SKIL: variants seen among roughly 807,000 people sequenced by gnomAD.
SKIL encodes SKI like proto-oncogene.
Under a neutral mutation model 69.6 loss-of-function variants are expected in SKIL, and 20 were observed. That is an observed-to-expected ratio of 0.29 (90% CI 0.20 to 0.42). The LOEUF (loss-of-function observed/expected upper bound fraction) is 0.42, where lower values mean the gene tolerates loss of function less well. Ranked by LOEUF, SKIL falls within the 10% of genes least tolerant of loss-of-function variation. SKIL has a pLI of 1.00. For missense variants in SKIL, 745 were observed against 783.1 expected (o/e 0.95, Z 0.58); for synonymous variants, 310 against 279.9 (o/e 1.11, Z -1.08).
Position 170,393,101 on chromosome 3 carries a change from G to A in SKIL, c.*684G>A, listed in dbSNP as rs1738007511. The A allele has an allele frequency of 6.6e-6, 1 of 152,066 alleles. No homozygotes were observed. The highest frequency in any genetic ancestry group is 2.1e-4 in the South Asian group (1 of 4,824). 9.4% of individuals were successfully genotyped at this position (152,066 alleles called of 1,614,324 possible). On this transcript the variant is annotated 3_prime_UTR_variant, in exon 7 of 7. Transcript: ENST00000259119. ...TAATTTGTTTTTCAGTTTAAATGTGGTTATAGTTAGATTTTTTTTTAAGCA... is the reference window on the plus strand; with the variant it reads ...TAATTTGTTTTTCAGTTTAAATGTGATTATAGTTAGATTTTTTTTTAAGCA...
intron 2 of SKIL, among the ~76,000 whole-genome samples, chr3:170,365,790 C>T (rs531115785): frequency 7.6e-6 from 1 of 131,254 alleles, no homozygotes; most frequent in Non-Finnish European, 1.5e-5. Flanking sequence ...GAGTTTCGCT[C>T]TTGCGCCCAG....
intron 6 of SKIL, among the ~76,000 whole-genome samples, chr3:170,391,835 T>C (rs1292841895): frequency 3.3e-5 from 5 of 152,200 alleles, no homozygotes; most frequent in African/African-American, 1.2e-4. Context: ...TTATATGTTA[T>C]ATTATTTTAA....
intron 2 of SKIL, among the ~76,000 whole-genome samples, chr3:170,368,518 C>T (rs750458211): frequency 2.2e-4 from 34 of 152,098 alleles, no homozygotes; most frequent in Non-Finnish European, 8.8e-5. Context: ...TGCACATAAA[C>T]TGTTAATATA....
chr3:170,365,158 T>G (rs1736437220), intron 2 of SKIL, among the ~76,000 whole-genome samples: 1 of 152,008 alleles, frequency 6.6e-6, no homozygotes, highest in South Asian at 2.1e-4. Context: ...GTGAGGAAGG[T>G]GAATGACAAT....
In SKIL at chr3:170,395,442, G is replaced by A. The variant is rs1027301414; in HGVS notation, c.*3025G>A. ...TACCAGTTAAGATATAAAATCATTT[G>A]TACATAGCGAATTGTAAAGCAGCTA... On this transcript the variant is annotated 3_prime_UTR_variant, in exon 7 of 7. Transcript: ENST00000259119. 6.6e-6 allele frequency: 1 copy of A among 151,990 alleles called. No individual in the cohort carries two copies. The highest frequency in any genetic ancestry group is 1.5e-5 in the Non-Finnish European group (1 of 67,932). The allele number at this position is 151,990 out of a possible 1,614,324, so 9.4% of individuals were successfully genotyped here.
intron 2 of SKIL, among the ~76,000 whole-genome samples, chr3:170,368,574 A>G (rs1364044069): frequency 6.6e-6 from 1 of 152,226 alleles, no homozygotes; most frequent in African/African-American, 2.4e-5. Flanking sequence ...AAGAGCCTTT[A>G]CTGCAGAAAT....
intron 2 of SKIL, among the ~76,000 whole-genome samples, chr3:170,371,316 C>T (rs1425606834): frequency 6.6e-6 from 1 of 152,052 alleles, no homozygotes; most frequent in Non-Finnish European, 1.5e-5. Flanking sequence ...GCCTGGCCAA[C>T]ATGGTGAAAC....
Position 170,360,724 on chromosome 3 carries a change from T to C in SKIL, c.393T>C (p.Pro131=). The part of the protein sequence containing the change: ...FLPLPSPQVL[P]GPLLIPSDSS... ...CTCTTCCATCACCTCAGGTTCTTCC[T>C]GGCCCATTGCTCATCCCTTCAGATA... The change falls in exon 2 of 7, where the codon CCT becomes CCC. Residue 131 remains proline (P), a synonymous_variant. Transcript: ENST00000259119. The C allele has an allele frequency of 1.2e-6, 2 of 1,614,220 alleles. No homozygotes were observed. Among genetic ancestry groups the C allele is most frequent in the Non-Finnish European group, 1.7e-6 (2 of 1,180,030 alleles).
chr3:170,393,067 C>G lies in SKIL; in HGVS notation c.*650C>G, dbSNP rs975912079. 2.0e-5 allele frequency: 3 copies of G among 152,126 alleles called. No homozygotes were observed. Among genetic ancestry groups the G allele is most frequent in the African/African-American group, 7.2e-5 (3 of 41,440 alleles). 9.4% of individuals were successfully genotyped at this position (152,126 alleles called of 1,614,324 possible). ...GTTATGTGCTGCTGCTAAACAGAAG[C>G]AGCAGTTGTAATTTGTTTTTCAGTT... On this transcript the variant is annotated 3_prime_UTR_variant, in exon 7 of 7. Coordinates refer to ENST00000259119, the MANE Select transcript of SKIL (RefSeq NM_005414.5).
intron 4 of SKIL, among the ~76,000 whole-genome samples, chr3:170,386,173 C>G (rs1338362910): frequency 6.6e-6 from 1 of 151,660 alleles, no homozygotes; most frequent in Non-Finnish European, 1.5e-5. Flanking sequence ...ATTTGTTGCC[C>G]AGGCTAGAGT....
At chr3:170,385,399 TTC>T (rs1167343067) in intron 4 of SKIL, among the ~76,000 whole-genome samples, 5 of 152,014 alleles carry the variant, frequency 3.3e-5, no homozygotes, top group Non-Finnish European at 7.4e-5. Flanking sequence ...ACCTTTATTT[TTC>T]TTTCTGATTT....
rs1738039822 is a variant in SKIL at position 170,393,662 on chromosome 3, A to G, written c.*1245A>G. On this transcript the variant is annotated 3_prime_UTR_variant, in exon 7 of 7. Coordinates refer to ENST00000259119, the MANE Select transcript of SKIL (RefSeq NM_005414.5). ...TTCTTGGCTCAAAATATATTAGGTA[A>G]AATTCTTAGATCTGTTTTTAAAGGG... 1 of 152,120 alleles carries G rather than the reference A, an allele frequency of 6.6e-6. No homozygotes were observed. Among genetic ancestry groups the G allele is most frequent in the Non-Finnish European group, 1.5e-5 (1 of 68,000 alleles). The allele number at this position is 152,120 out of a possible 1,614,324, so 9.4% of individuals were successfully genotyped here. A position where few individuals can be genotyped will look rare whatever the true frequency, so the allele number is the denominator to read the frequency against.
chr3:170,390,778 C>T lies in SKIL; in HGVS notation c.1672-258C>T, dbSNP rs182102405. Among the ~76,000 whole-genome samples, 21 of 152,230 alleles carry T rather than the reference C, an allele frequency of 1.4e-4. No individual in the cohort carries two copies. The East Asian group carries it at 2.5e-3, about 18-fold the overall frequency. Reference sequence around the variant, plus strand: ...TACAGGTGTGAGCCACTGCGCCCAGCCCCCCTGTATATTCTTAGTAAGAAA... The same window carrying T: ...TACAGGTGTGAGCCACTGCGCCCAGTCCCCCTGTATATTCTTAGTAAGAAA... On this transcript the variant is annotated intron_variant, in intron 5 of 6. Transcript: ENST00000259119.
chr3:170,362,492 C>T (rs1335636137), intron 2 of SKIL, among the ~76,000 whole-genome samples: 1 of 150,132 alleles, frequency 6.7e-6, no homozygotes, highest in African/African-American at 2.5e-5. Context: ...TCGAGGGAAA[C>T]TCCATCAAAA....
chr3:170,381,697 T>A (rs1329738328), intron 3 of SKIL, among the ~76,000 whole-genome samples: 1 of 151,978 alleles, frequency 6.6e-6, no homozygotes, highest in Non-Finnish European at 1.5e-5. Flanking sequence ...CCTCCCAAAG[T>A]GCTGGGATTA....
In SKIL at chr3:170,396,055, A is replaced by T. The variant is rs1430614493; in HGVS notation, c.*3638A>T. 1 of 151,088 alleles carries T rather than the reference A, an allele frequency of 6.6e-6. No homozygotes were observed. Among genetic ancestry groups the T allele is most frequent in the Non-Finnish European group, 1.5e-5 (1 of 67,766 alleles). 9.4% of individuals were successfully genotyped at this position (151,088 alleles called of 1,614,324 possible). ...AATCCATTCATTGAAATGGTTTCTA[A>T]ACTGTATAATGTAATTTGGAGCCTA... On this transcript the variant is annotated 3_prime_UTR_variant, in exon 7 of 7. Coordinates refer to ENST00000259119, the MANE Select transcript of SKIL (RefSeq NM_005414.5).
Position 170,396,646 on chromosome 3 carries a change from TA to T in SKIL, c.*4234del, listed in dbSNP as rs1273049270. ...AAATAAATATTTTATATGGTTTTAC[TA>T]AAAATAAGACTCATGTATCTGGTCA... is the stretch of plus-strand genomic sequence containing the variant. On this transcript the variant is annotated 3_prime_UTR_variant, in exon 7 of 7. Coordinates refer to ENST00000259119, the MANE Select transcript of SKIL (RefSeq NM_005414.5). The T allele has an allele frequency of 1.3e-5, 2 of 152,316 alleles. No homozygotes were observed. The highest frequency in any genetic ancestry group is 3.9e-4 in the East Asian group (2 of 5,194). The allele number at this position is 152,316 out of a possible 1,614,324, so 9.4% of individuals were successfully genotyped here. A position where few individuals can be genotyped will look rare whatever the true frequency, so the allele number is the denominator to read the frequency against.
chr3:170,390,531 G>A, intron 5 of SKIL, 67 bp downstream of exon 5: 1 of 1,318,648 alleles, frequency 7.6e-7, no homozygotes, highest in Non-Finnish European at 1.1e-6. Context: ...CTGTCGCCCA[G>A]GCTGGAGTGC....
intron 1 of SKIL, chr3:170,359,474 T>G (rs1355388674): frequency 2.0e-5 from 3 of 152,082 alleles, no homozygotes; most frequent in Non-Finnish European, 4.4e-5. Flanking sequence ...GGCTTGTGCC[T>G]GTAGTCCCAG....
Sources: gnomAD v4.1 joint callset for allele counts (sites outside exome capture counted in the v4.1 genomes callset) on GRCh38, gnomAD v4.1.1 for gene constraint, MANE v1.5 for transcripts, NCBI Gene and HGNC (gene_info 2026-07-23, HGNC 2026-07-21) for gene names.